The following PDE4D variants were observed in gnomAD, a reference collection of about 807,000 sequenced individuals.
PDE4D encodes phosphodiesterase 4D.
A neutral mutation model predicts 87.4 loss-of-function variants in PDE4D; 24 were observed. That is an observed-to-expected ratio of 0.27 (90% CI 0.20 to 0.39). PDE4D has a LOEUF of 0.39. Ranked by LOEUF, PDE4D falls within the 10% of genes least tolerant of loss-of-function variation. The pLI is 1.00. For missense variants in PDE4D, 714 were observed against 1,041.0 expected (o/e 0.69, Z 4.32); for synonymous variants, 384 against 383.2 (o/e 1.00, Z -0.02).
intron 1 of PDE4D, among the ~76,000 whole-genome samples, chr5:59,271,511 C>A (rs921451756): frequency 6.6e-6 from 1 of 151,914 alleles, no homozygotes; most frequent in African/African-American, 2.4e-5. Flanking sequence ...CTTTTTGATT[C>A]TCAATTATAA....
intron 5 of PDE4D, among the ~76,000 whole-genome samples, chr5:59,147,948 C>T (rs1778910829): frequency 6.6e-6 from 1 of 152,064 alleles, no homozygotes. Context: ...ATCTCCTATA[C>T]CATATTAGGC....
intron 1 of PDE4D, among the ~76,000 whole-genome samples, chr5:59,838,506 G>A (rs886253466): frequency 3.9e-5 from 6 of 152,036 alleles, no homozygotes; most frequent in Non-Finnish European, 7.4e-5. Context: ...CCTCCAAGGA[G>A]GGAGGCCTAC....
chr5:60,396,594 C>T (rs985910504), intron 1 of PDE4D, among the ~76,000 whole-genome samples: 5 of 152,090 alleles, frequency 3.3e-5, no homozygotes, highest in Admixed American at 2.6e-4. Context: ...TAGTTCACTG[C>T]AGCCTCAAAC....
chr5:60,019,825 G>A (rs547767589), intron 2 of PDE4D, among the ~76,000 whole-genome samples: 1 of 152,228 alleles, frequency 6.6e-6, no homozygotes, highest in Admixed American at 6.5e-5. Flanking sequence ...TGTGTTCACT[G>A]GAGTGGTATT....
chr5:60,385,782 G>C (rs557024947), intron 1 of PDE4D, among the ~76,000 whole-genome samples: 1 of 152,206 alleles, frequency 6.6e-6, no homozygotes, highest in African/African-American at 2.4e-5. Context: ...GTCCACCTCT[G>C]TCTCCCAATC....
chr5:60,407,065 C>T (rs551204896), intron 1 of PDE4D, among the ~76,000 whole-genome samples: 14 of 152,156 alleles, frequency 9.2e-5, no homozygotes, highest in African/African-American at 2.9e-4. Flanking sequence ...ACGGAAAAAG[C>T]GGAGGCCAAG....
chr5:59,829,149 A>ACC (rs1018323887), intron 1 of PDE4D, among the ~76,000 whole-genome samples: 8 of 152,004 alleles, frequency 5.3e-5, no homozygotes, highest in Admixed American at 5.3e-4. Context: ...TTATCTACAC[A>ACC]CACACACACA....
In PDE4D at chr5:60,385,706, C is replaced by T. The variant is rs146858972; in HGVS notation, c.-90+102236G>A. On this transcript the variant is annotated intron_variant, in intron 1 of 16. Coordinates refer to the PDE4D transcript ENST00000502484. ...TGCTATAATCCTATCAACCTACTAACGGTCCCCAAGTCCATAATGCTATTG... is the reference window on the plus strand; with the variant it reads ...TGCTATAATCCTATCAACCTACTAATGGTCCCCAAGTCCATAATGCTATTG... 4.0e-3 allele frequency among the ~76,000 whole-genome samples: 607 copies of T among 152,314 alleles called. 3 individuals are homozygous for T. Among genetic ancestry groups the T allele is most frequent in the Non-Finnish European group, 3.5e-3 (240 of 68,026 alleles).
intron 2 of PDE4D, among the ~76,000 whole-genome samples, chr5:60,026,893 A>T (rs1264222999): frequency 6.6e-6 from 1 of 152,062 alleles, no homozygotes; most frequent in African/African-American, 2.4e-5. Flanking sequence ...TTTTTTCTCC[A>T]TACTAATGAG....
chr5:60,072,262 T>A (rs1772805825), intron 2 of PDE4D, among the ~76,000 whole-genome samples: 1 of 152,200 alleles, frequency 6.6e-6, no homozygotes, highest in South Asian at 2.1e-4. Flanking sequence ...ATTGCTCTAA[T>A]GATCAGTGAT....
rs1407691506 is a variant in PDE4D, at chr5:58,975,782, G to T, written c.1888C>A (p.Leu630Met). 8 of 1,611,398 alleles carry T rather than the reference G, an allele frequency of 5.0e-6. No homozygotes were observed. ...ATCCGGTCCGTCCACTGGCGGTACA[G>T]CTGGAGAGGCTTTGTTGGGTTGCTC... ...DLSNPTKPLQLYRQWTDRIME... is the reference protein window; with the variant it reads ...DLSNPTKPLQMYRQWTDRIME... The change falls in exon 14 of 15, where the codon CTG becomes ATG. Residue 630 changes from leucine to methionine, a missense_variant. Physicochemically the swap from Leu to Met is conservative, Grantham distance 15. This residue lies in a region of PDE4D where 97 missense variants were observed against 176.9 expected (regional missense o/e 0.55). Coordinates refer to ENST00000340635, the MANE Select transcript of PDE4D (RefSeq NM_001104631.2). This position sits in a 1 kb window ranked among gnomAD's most constrained non-coding sequence, Gnocchi z 4.2.
At chr5:59,843,761 G>A (rs987518520) in intron 1 of PDE4D, among the ~76,000 whole-genome samples, 1 of 152,058 alleles carries the variant, frequency 6.6e-6, no homozygotes, top group Admixed American at 6.6e-5. Context: ...TCCACTGGGT[G>A]CTTGGGAAGG....
chr5:59,876,177 A>T (rs1490024128), intron 1 of PDE4D, among the ~76,000 whole-genome samples: 1 of 152,190 alleles, frequency 6.6e-6, no homozygotes, highest in Non-Finnish European at 1.5e-5. Flanking sequence ...CCAGGTCTGC[A>T]TCTAGAGAAA....
intron 5 of PDE4D, among the ~76,000 whole-genome samples, chr5:59,051,833 G>T (rs1761592008): frequency 6.6e-6 from 1 of 152,168 alleles, no homozygotes; most frequent in South Asian, 2.1e-4. Context: ...CATGTGTTTA[G>T]TAGGTTCCCA....
intron 6 of PDE4D, among the ~76,000 whole-genome samples, chr5:59,029,516 A>C (rs1425495513): frequency 1.3e-5 from 2 of 152,120 alleles, no homozygotes; most frequent in Non-Finnish European, 2.9e-5. Flanking sequence ...CAACTGAAGA[A>C]GACAGAAATA....
chr5:60,365,249 C>G (rs980500771), intron 1 of PDE4D, among the ~76,000 whole-genome samples: 2 of 152,182 alleles, frequency 1.3e-5, no homozygotes, highest in African/African-American at 4.8e-5. Context: ...GAGGAGAAGT[C>G]TTGCAATGTT....
At chr5:60,280,833 T>A (rs564315113) in intron 1 of PDE4D, among the ~76,000 whole-genome samples, 1 of 152,238 alleles carries the variant, frequency 6.6e-6, no homozygotes, top group African/African-American at 2.4e-5. Context: ...ATTAACTTAC[T>A]AATTAAAAAT....
intron 1 of PDE4D, among the ~76,000 whole-genome samples, chr5:59,737,437 A>G (rs1486275177): frequency 6.6e-6 from 1 of 152,128 alleles, no homozygotes; most frequent in Non-Finnish European, 1.5e-5. Flanking sequence ...GAAAGAAAAA[A>G]ATTGTGACCT....
intron 6 of PDE4D, among the ~76,000 whole-genome samples, chr5:59,032,997 G>A (rs902273815): frequency 1.3e-5 from 2 of 152,182 alleles, no homozygotes; most frequent in African/African-American, 4.8e-5. Flanking sequence ...CAAAGCTGCT[G>A]TAAGTATCAC....
Sources: gnomAD v4.1 joint callset for allele counts (sites outside exome capture counted in the v4.1 genomes callset) on GRCh38, gnomAD v4.1.1 for gene constraint, gnomAD v4.1.1 regional missense constraint, Gnocchi (gnomAD v3.1) non-coding constraint, MANE v1.5 for transcripts, NCBI Gene and HGNC (gene_info 2026-07-23, HGNC 2026-07-21) for gene names.